OPRM1: variants seen among roughly 807,000 people sequenced by gnomAD.
OPRM1 encodes opioid receptor mu 1.
In OPRM1, 27 loss-of-function variants were observed where a neutral mutation model predicts 31.8. The ratio of observed to expected loss-of-function variants is 0.85; its 90% CI spans 0.63 to 1.17. The LOEUF is 1.17. OPRM1 is among the 50% of genes most tolerant of loss of function. OPRM1 has a pLI of 0.00. For synonymous variants in OPRM1, 196 were observed against 189.9 expected, an observed-to-expected ratio of 1.03 and a Z score of -0.26; for missense variants, 536 against 511.1, an observed-to-expected ratio of 1.05 and a Z score of -0.47.
intron 1 of OPRM1, among the ~76,000 whole-genome samples, chr6:154,018,315 G>A (rs936609881): frequency 6.6e-6 from 1 of 152,068 alleles, no homozygotes; most frequent in Non-Finnish European, 1.5e-5. Context: ...AGCTACTTGG[G>A]AGGCTGAGGA....
In OPRM1 at chr6:154,091,233, A is replaced by G. The variant is rs1256116995; in HGVS notation, c.925A>G (p.Thr309Ala). 6.2e-7 allele frequency: 1 copy of G among 1,614,220 alleles called. No individual in the cohort carries two copies. The highest frequency in any genetic ancestry group is 2.2e-5 in the East Asian group (1 of 44,890). Residue 309 changes from threonine to alanine, a missense_variant, in exon 3 of 4, where the codon ACA becomes GCA. Physicochemically the swap from Thr to Ala is moderately conservative, Grantham distance 58. Coordinates refer to ENST00000330432, the MANE Select transcript of OPRM1 (RefSeq NM_000914.5). ...TTACGTCATCATTAAAGCCTTGGTTACAATCCCAGAAACTACGTTCCAGAC... is the reference window on the plus strand; with the variant it reads ...TTACGTCATCATTAAAGCCTTGGTTGCAATCCCAGAAACTACGTTCCAGAC... ...HIYVIIKALV[T>A]IPETTFQTVS...
intron 3 of OPRM1, among the ~76,000 whole-genome samples, chr6:154,164,727 T>C (rs532840196): frequency 6.6e-6 from 1 of 152,344 alleles, no homozygotes; most frequent in African/African-American, 2.4e-5. Flanking sequence ...TTCACCGCTC[T>C]TGTGACATAG....
chr6:154,205,876 T>C (rs950278008), intron 3 of OPRM1, among the ~76,000 whole-genome samples: 14 of 152,000 alleles, frequency 9.2e-5, no homozygotes, highest in African/African-American at 3.4e-4. Flanking sequence ...CTGCTTGTGT[T>C]CCTCCAACTA....
intron 3 of OPRM1, among the ~76,000 whole-genome samples, chr6:154,095,683 C>CA (rs1793242606): frequency 6.6e-6 from 1 of 152,030 alleles, no homozygotes; most frequent in African/African-American, 2.4e-5. Context: ...TATGAAAAAA[C>CA]AAAAAAGATG....
At chr6:154,038,877 A>G (rs1779486528), upstream of OPRM1, among the ~76,000 whole-genome samples, 1 of 152,200 alleles carries the variant, frequency 6.6e-6, no homozygotes, top group Non-Finnish European at 1.5e-5. Context: ...TTGGAGAAAC[A>G]TTATTACCTT....
chr6:154,075,393 T>C (rs748711823), intron 1 of OPRM1, among the ~76,000 whole-genome samples: 2 of 152,122 alleles, frequency 1.3e-5, no homozygotes. Flanking sequence ...GAAATTATGT[T>C]TTTGTACCCT....
At chr6:154,103,513 CTG>C (rs1229512126) in intron 3 of OPRM1, among the ~76,000 whole-genome samples, 1 of 152,034 alleles carries the variant, frequency 6.6e-6, no homozygotes, top group Non-Finnish European at 1.5e-5. Context: ...TAATACTATA[CTG>C]TGTTTATGAT....
intron 1 of OPRM1, among the ~76,000 whole-genome samples, chr6:154,063,572 A>T (rs1325007680): frequency 5.9e-5 from 9 of 151,968 alleles, no homozygotes; most frequent in Admixed American, 5.9e-4. Context: ...GTCATTGTGC[A>T]ATCATTAGTA....
chr6:154,021,880 A>G (rs558333586), intron 1 of OPRM1, among the ~76,000 whole-genome samples: 4 of 152,030 alleles, frequency 2.6e-5, no homozygotes, highest in African/African-American at 9.7e-5. Context: ...GATTTTCTAC[A>G]TAGACAATCA....
intron 3 of OPRM1, among the ~76,000 whole-genome samples, chr6:154,100,806 G>T (rs1477393650): frequency 6.7e-6 from 1 of 150,164 alleles, no homozygotes; most frequent in African/African-American, 2.4e-5. Context: ...TCCCTACCTA[G>T]GTTCTTTCTA....
At chr6:154,220,095 G>A (rs986421522) in intron 3 of OPRM1, among the ~76,000 whole-genome samples, 1 of 151,910 alleles carries the variant, frequency 6.6e-6, no homozygotes, top group Non-Finnish European at 1.5e-5. Flanking sequence ...AGAGAGCAAT[G>A]AGAACTACAT....
chr6:154,109,352 G>C (rs528065639), intron 3 of OPRM1, among the ~76,000 whole-genome samples: 2 of 152,154 alleles, frequency 1.3e-5, no homozygotes, highest in Admixed American at 6.5e-5. Context: ...AAAATAAAAT[G>C]TAAGCCACTT....
intron 3 of OPRM1, among the ~76,000 whole-genome samples, chr6:154,242,518 C>T (rs892013045): frequency 6.6e-6 from 1 of 152,016 alleles, no homozygotes; most frequent in South Asian, 2.1e-4. Context: ...TGATCTTCTC[C>T]TACAGAAATG....
At chr6:154,204,721 C>T (rs1252264411) in intron 3 of OPRM1, among the ~76,000 whole-genome samples, 1 of 152,158 alleles carries the variant, frequency 6.6e-6, no homozygotes, top group Admixed American at 6.5e-5. Context: ...ATCAGTGCCC[C>T]CCATCCCACC....
Position 154,118,884 on chromosome 6 carries a change from G to C in OPRM1, c.*163G>C. 6.9e-7 allele frequency: 1 copy of C among 1,448,032 alleles called. No homozygotes were observed. Among genetic ancestry groups the C allele is most frequent in the Non-Finnish European group, 9.0e-7 (1 of 1,106,414 alleles). 89.7% of individuals were successfully genotyped at this position (1,448,032 alleles called of 1,614,324 possible). A position where few individuals can be genotyped will look rare whatever the true frequency, so the allele number is the denominator to read the frequency against. ...TCTGGCCACTCTGCTCTGCACATTA[G>C]AGGGACAGCCAAAAGTAAGTGGAGC... On this transcript the variant is annotated 3_prime_UTR_variant, in exon 4 of 4. Transcript: ENST00000330432.
chr6:154,076,802 A>G (rs987317611), intron 1 of OPRM1, among the ~76,000 whole-genome samples: 22 of 152,340 alleles, frequency 1.4e-4, no homozygotes, highest in African/African-American at 5.1e-4. Context: ...CTTCTCTTCT[A>G]GATCTCTCAC....
exon 1 of OPRM1, chr6:154,010,597 A>C (rs1263351132): frequency 6.5e-7 from 1 of 1,535,038 alleles, no homozygotes; most frequent in South Asian, 1.2e-5. Flanking sequence ...AGCTCAAAGG[A>C]AGTGTGATCT....
In OPRM1 at chr6:154,039,344, T is replaced by C; in HGVS notation, c.-201T>C. On this transcript the variant is annotated 5_prime_UTR_variant, in exon 1 of 4. Transcript: ENST00000330432. ...GTGAACTACTAAGGTGGGAGGGGGC[T>C]ATACGCAGAGGAGAATGTCAGATGC... The C allele has an allele frequency of 6.5e-7, 1 of 1,547,872 alleles. No individual in the cohort carries two copies. The highest frequency in any genetic ancestry group is 8.7e-7 in the Non-Finnish European group (1 of 1,144,818).
At chr6:154,040,742 T>C (rs1161602900) in intron 1 of OPRM1, among the ~76,000 whole-genome samples, 1 of 152,100 alleles carries the variant, frequency 6.6e-6, no homozygotes, top group Non-Finnish European at 1.5e-5. Flanking sequence ...AGTGTTCTTA[T>C]CAAGTAAAAT....
Sources: gnomAD v4.1 joint callset for allele counts (sites outside exome capture counted in the v4.1 genomes callset) on GRCh38, gnomAD v4.1.1 for gene constraint, MANE v1.5 for transcripts, NCBI Gene and HGNC (gene_info 2026-07-23, HGNC 2026-07-21) for gene names.